The following PRPSAP2 variants were observed in gnomAD, a reference collection of about 807,000 sequenced individuals.
PRPSAP2 encodes phosphoribosyl pyrophosphate synthetase associated protein 2, also known as phosphoribosyl pyrophosphate synthase-associated protein 2.
Under a neutral mutation model 40.6 loss-of-function variants are expected in PRPSAP2, and 24 were observed. That is an observed-to-expected ratio of 0.59 (90% CI 0.43 to 0.83). PRPSAP2 has a LOEUF of 0.83. Among genes scored for constraint, PRPSAP2 ranks in the 40% least tolerant of loss-of-function variants. The probability of loss-of-function intolerance (pLI) is 0.00; values close to 1 mark genes in which losing one functional copy is unlikely to be tolerated. For synonymous variants in PRPSAP2, 149 were observed against 164.7 expected, an observed-to-expected ratio of 0.90 and a Z score of 0.73; for missense variants, 292 against 465.6, an observed-to-expected ratio of 0.63 and a Z score of 3.43.
At position 18,894,479 on chromosome 17, in the gene PRPSAP2, C is replaced by CTTTTTTTT. The variant is rs1201159228; in HGVS notation, c.584+4613_584+4620dup. ...CGGCCCTCTGTAGCTTTTCAATAGT[C>CTTTTTTTT]TTTTTTTTTTTTTTTTTTGAGACAG... On this transcript the variant is annotated intron_variant, in intron 8 of 11. Coordinates refer to ENST00000268835, the MANE Select transcript of PRPSAP2 (RefSeq NM_002767.4). Among the ~76,000 whole-genome samples, 53 of 120,594 alleles carry CTTTTTTTT rather than the reference C, an allele frequency of 4.4e-4. 3 individuals are homozygous for CTTTTTTTT. Among genetic ancestry groups the CTTTTTTTT allele is most frequent in the African/African-American group, 1.5e-3 (46 of 30,658 alleles). 79.1% of individuals were successfully genotyped at this position (120,594 alleles called of 152,430 possible).
chr17:18,882,139 G>A (rs549391823), intron 6 of PRPSAP2, among the ~76,000 whole-genome samples: 94 of 151,288 alleles, frequency 6.2e-4, no homozygotes, highest in Non-Finnish European at 1.2e-3. Flanking sequence ...GTGCCCGGCT[G>A]GAGAGCAATT....
At chr17:18,920,013 A>G (rs959471092) in intron 9 of PRPSAP2, among the ~76,000 whole-genome samples, 2 of 152,150 alleles carry the variant, frequency 1.3e-5, no homozygotes, top group African/African-American at 4.8e-5. Flanking sequence ...TCACGTGCCC[A>G]GGCTGTTGGT....
At chr17:18,857,964 A>C (rs2036702969), upstream of PRPSAP2, 1 of 152,198 alleles carries the variant, frequency 6.6e-6, no homozygotes, top group African/African-American at 2.4e-5. Flanking sequence ...AAACAGGCGC[A>C]TCCCCGCCCA....
At chr17:18,880,429 A>G (rs2038646988) in intron 6 of PRPSAP2, among the ~76,000 whole-genome samples, 1 of 151,850 alleles carries the variant, frequency 6.6e-6, no homozygotes, top group African/African-American at 2.4e-5. Context: ...CATGGGTCTC[A>G]GTCCTCTTGC....
chr17:18,864,609 G>A (rs2037297103), intron 1 of PRPSAP2, among the ~76,000 whole-genome samples: 1 of 152,086 alleles, frequency 6.6e-6, no homozygotes, highest in Admixed American at 6.5e-5. Flanking sequence ...GGTTTTTATA[G>A]GGAGGATGTG....
At chr17:18,856,362 G>C (rs933219565), upstream of PRPSAP2, 2 of 152,208 alleles carry the variant, frequency 1.3e-5, no homozygotes, top group Non-Finnish European at 2.9e-5. Flanking sequence ...GGTTGTGACC[G>C]GAGTTAGATG....
chr17:18,863,831 C>CTTTTTTTTT (rs34770102), intron 1 of PRPSAP2, among the ~76,000 whole-genome samples: 5 of 86,044 alleles, frequency 5.8e-5, no homozygotes, highest in Non-Finnish European at 8.6e-5. Context: ...ACTGCGTGGC[C>CTTTTTTTTT]TTTTTTTTTT....
At chr17:18,875,436 G>A (rs2038213917) in intron 5 of PRPSAP2, among the ~76,000 whole-genome samples, 1 of 151,890 alleles carries the variant, frequency 6.6e-6, no homozygotes, top group Non-Finnish European at 1.5e-5. Context: ...ATGGTCATGA[G>A]CGCCTGTAGT....
chr17:18,858,112 C>CGCCCCCGCCCCCGCCCT (rs59889351), upstream of PRPSAP2: 1 of 151,590 alleles, frequency 6.6e-6, no homozygotes, highest in African/African-American at 2.4e-5. Context: ...GCCCTCGCCC[C>CGCCCCCGCCCCCGCCCT]TCCCCGCCCA....
intron 3 of PRPSAP2, 79 bp from the exon 4 acceptor site, chr17:18,867,203 T>G: frequency 3.0e-6 from 4 of 1,345,288 alleles, no homozygotes; most frequent in Non-Finnish European, 4.2e-6. Context: ...TCTTATCGAT[T>G]TACGAGTCTC....
At chr17:18,857,136 A>G (rs1038401246), upstream of PRPSAP2, among the ~76,000 whole-genome samples, 63 of 152,098 alleles carry the variant, frequency 4.1e-4, no homozygotes, top group African/African-American at 1.4e-3. Flanking sequence ...GAGTTTGAGA[A>G]CAGCCTGGCC....
intron 9 of PRPSAP2, chr17:18,917,350 G>A (rs1005012491): frequency 6.6e-6 from 1 of 151,074 alleles, no homozygotes; most frequent in African/African-American, 2.4e-5. Context: ...ATCTTAATAG[G>A]GGAACAGGAG....
At chr17:18,893,014 CTT>C (rs1362056064) in intron 8 of PRPSAP2, among the ~76,000 whole-genome samples, 1 of 152,016 alleles carries the variant, frequency 6.6e-6, no homozygotes, top group African/African-American at 2.4e-5. Flanking sequence ...TATAAGCACT[CTT>C]TATATATTCT....
chr17:18,931,216 CTT>C lies in PRPSAP2; in HGVS notation c.*520_*521del, dbSNP rs1597796185. 6.6e-6 allele frequency: 1 copy of C among 152,208 alleles called. No individual in the cohort carries two copies. Among genetic ancestry groups the C allele is most frequent in the Non-Finnish European group, 1.5e-5 (1 of 68,056 alleles). 9.4% of individuals were successfully genotyped at this position (152,208 alleles called of 1,614,324 possible). A position where few individuals can be genotyped will look rare whatever the true frequency, so the allele number is the denominator to read the frequency against. ...CTTGTGTTTGTGTGTTTTTCTAAAA[CTT>C]TGTGTTTTGGCAATCGTTTTATAAC... On this transcript the variant is annotated 3_prime_UTR_variant, in exon 12 of 12. Transcript: ENST00000268835.
intron 5 of PRPSAP2, among the ~76,000 whole-genome samples, chr17:18,876,453 C>T (rs1253998841): frequency 6.6e-6 from 1 of 152,178 alleles, no homozygotes; most frequent in Non-Finnish European, 1.5e-5. Flanking sequence ...AGAGAACCTA[C>T]TCACCTGAAT....
At chr17:18,912,420 CA>C (rs1936493820) in intron 9 of PRPSAP2, among the ~76,000 whole-genome samples, 1 of 152,106 alleles carries the variant, frequency 6.6e-6, no homozygotes, top group Non-Finnish European at 1.5e-5. Flanking sequence ...TGGAAGGACA[CA>C]AAAATTCAGA....
At chr17:18,879,841 T>C (rs2151906166) in intron 6 of PRPSAP2, among the ~76,000 whole-genome samples, 1 of 138,626 alleles carries the variant, frequency 7.2e-6, no homozygotes, top group African/African-American at 2.7e-5. Context: ...GGCTCACGCC[T>C]GTAATCCCAG....
At chr17:18,928,679 C>A in intron 10 of PRPSAP2, 132 bp from the exon 11 acceptor site, 1 of 1,179,692 alleles carries the variant, frequency 8.5e-7, no homozygotes, top group Non-Finnish European at 1.2e-6. Context: ...GGGGCCATGC[C>A]GTCTGCACAA....
chr17:18,926,117 C>A (rs1406289531), intron 10 of PRPSAP2, among the ~76,000 whole-genome samples: 1 of 151,746 alleles, frequency 6.6e-6, no homozygotes, highest in East Asian at 1.9e-4. Context: ...ATAAGAAAAT[C>A]TCTCACGTCA....
Sources: gnomAD v4.1 joint callset for allele counts (sites outside exome capture counted in the v4.1 genomes callset) on GRCh38, gnomAD v4.1.1 for gene constraint, MANE v1.5 for transcripts, NCBI Gene and HGNC (gene_info 2026-07-23, HGNC 2026-07-21) for gene names.